Variants in LRRTM3 observed in about 807,000 individuals in gnomAD.
The protein encoded by LRRTM3 is leucine rich repeat transmembrane neuronal 3.
In LRRTM3, 24 loss-of-function variants were observed where a neutral mutation model predicts 44.7. That is an observed-to-expected ratio of 0.54 (90% CI 0.39 to 0.76). The LOEUF (loss-of-function observed/expected upper bound fraction) is 0.76, where lower values mean the gene tolerates loss of function less well. Among genes scored for constraint, LRRTM3 ranks in the 30% least tolerant of loss-of-function variants. The pLI is 0.00. For missense variants in LRRTM3, 587 were observed against 702.2 expected (o/e 0.84, Z 1.85); for synonymous variants, 277 against 278.7 (o/e 0.99, Z 0.06).
intron 2 of LRRTM3, among the ~76,000 whole-genome samples, chr10:67,045,593 C>T (rs1472150562): frequency 6.6e-6 from 1 of 152,140 alleles, no homozygotes; most frequent in Non-Finnish European, 1.5e-5. Flanking sequence ...CATTGCGTGA[C>T]GGGCAAGGGG....
chr10:66,926,345 A>G lies in LRRTM3; in HGVS notation c.-239A>G, dbSNP rs1049311356. 2.1e-5 allele frequency: 12 copies of G among 581,422 alleles called. No homozygotes were observed. In the African/African-American group the frequency reaches 2.1e-4, roughly 10 times the overall value. The allele number at this position is 581,422 out of a possible 1,614,324, so 36.0% of individuals were successfully genotyped here. A position where few individuals can be genotyped will look rare whatever the true frequency, so the allele number is the denominator to read the frequency against. On this transcript the variant is annotated 5_prime_UTR_variant, in exon 1 of 3. An upstream open reading frame in the 5' UTR loses its in-frame stop. Transcript: ENST00000361320. ...AATATCCATGAAGATCCTATTACCT[A>G]GGAAGATTTTGATGTTTTGCTGCGA...
chr10:66,974,688 T>A (rs1218203700), intron 2 of LRRTM3, among the ~76,000 whole-genome samples: 1 of 152,210 alleles, frequency 6.6e-6, no homozygotes, highest in Admixed American at 6.5e-5. Context: ...TGTGACTTTT[T>A]GTTTTTGTTT....
intron 2 of LRRTM3, among the ~76,000 whole-genome samples, chr10:67,032,568 A>G (rs1279359041): frequency 6.6e-6 from 1 of 152,184 alleles, no homozygotes; most frequent in Non-Finnish European, 1.5e-5. Context: ...TTTGCCTCAC[A>G]TACTGCCAGG....
At chr10:67,025,443 A>G (rs2133089160) in intron 2 of LRRTM3, among the ~76,000 whole-genome samples, 1 of 152,194 alleles carries the variant, frequency 6.6e-6, no homozygotes, top group Admixed American at 6.5e-5. Flanking sequence ...TCCTAAGTAC[A>G]ATGCTTGGGA....
intron 2 of LRRTM3, among the ~76,000 whole-genome samples, chr10:67,090,051 C>A (rs10997501): frequency 0.039 from 5,959 of 152,074 alleles, 395 homozygotes; most frequent in African/African-American, 0.14. Context: ...GAAAAGCTAA[C>A]ATATTTTAAC....
chr10:66,987,973 C>G (rs1399313934), intron 2 of LRRTM3, among the ~76,000 whole-genome samples: 5 of 151,858 alleles, frequency 3.3e-5, no homozygotes, highest in African/African-American at 1.2e-4. Context: ...TGTGGGTTAC[C>G]AAATTATAAG....
At position 66,929,398 on chromosome 10, in the gene LRRTM3, G is replaced by A. The variant is rs141136184; in HGVS notation, c.1536+946G>A. Among the ~76,000 whole-genome samples, 30 of 152,288 alleles carry A rather than the reference G, an allele frequency of 2.0e-4. No individual in the cohort carries two copies. The East Asian group carries it at 5.8e-3, about 29-fold the overall frequency. On this transcript the variant is annotated intron_variant, in intron 2 of 2. Coordinates refer to ENST00000361320, the MANE Select transcript of LRRTM3 (RefSeq NM_178011.5). ...TTCCAGTTTTTTCGAAGACCCTAAT[G>A]TAGTTAGTAGAATCCTTAGCTCTGT...
intron 2 of LRRTM3, among the ~76,000 whole-genome samples, chr10:67,042,325 C>A (rs1204933572): frequency 1.3e-5 from 2 of 152,038 alleles, no homozygotes; most frequent in African/African-American, 4.8e-5. Flanking sequence ...AGCTGACTAT[C>A]AGTTGGATGT....
chr10:67,077,011 C>T (rs957036538), intron 2 of LRRTM3, among the ~76,000 whole-genome samples: 2 of 152,188 alleles, frequency 1.3e-5, no homozygotes, highest in African/African-American at 2.4e-5. Context: ...TTTCAGGCAA[C>T]GCCCCCAACA....
Position 66,928,320 on chromosome 10 carries a change from C to G in LRRTM3, c.1404C>G (p.Ser468=). ...GGCACAGGAAAAAGAAAAGACAGTC[C>G]CTAAAGCAAATGACTCCCAGCACCC... ...MRRHRKKKRQ[S]LKQMTPSTQE... The change falls in exon 2 of 3, where the codon TCC becomes TCG. Residue 468 remains serine (S), a synonymous_variant. Transcript: ENST00000361320. 5 of 1,614,088 alleles carry G rather than the reference C, an allele frequency of 3.1e-6. No homozygotes were observed. Among genetic ancestry groups the G allele is most frequent in the Non-Finnish European group, 4.2e-6 (5 of 1,180,024 alleles).
chr10:66,930,161 T>C (rs2132634999), intron 2 of LRRTM3, among the ~76,000 whole-genome samples: 1 of 152,258 alleles, frequency 6.6e-6, no homozygotes, highest in African/African-American at 2.4e-5. Context: ...AATCATACTT[T>C]TATAAGCAAT....
chr10:66,989,320 A>G (rs1454996790), intron 2 of LRRTM3, among the ~76,000 whole-genome samples: 3 of 152,232 alleles, frequency 2.0e-5, no homozygotes, highest in Non-Finnish European at 4.4e-5. Context: ...ATGTCAACTT[A>G]TTCCCTAAAA....
chr10:66,968,904 C>T (rs1388351671), intron 2 of LRRTM3, among the ~76,000 whole-genome samples: 1 of 152,004 alleles, frequency 6.6e-6, no homozygotes, highest in African/African-American at 2.4e-5. Flanking sequence ...GTAATCCTAG[C>T]TGCTGGGGGC....
At chr10:66,989,676 A>G (rs928032510) in intron 2 of LRRTM3, among the ~76,000 whole-genome samples, 2 of 152,220 alleles carry the variant, frequency 1.3e-5, no homozygotes, top group African/African-American at 4.8e-5. Flanking sequence ...CAGTCTTTAC[A>G]TAATAAGACT....
intron 2 of LRRTM3, among the ~76,000 whole-genome samples, chr10:66,967,422 A>T (rs1447694178): frequency 1.3e-5 from 2 of 151,926 alleles, no homozygotes; most frequent in East Asian, 3.9e-4. Context: ...ATGCATATAT[A>T]TATACACATA....
chr10:67,068,045 G>C (rs191304470), intron 2 of LRRTM3, among the ~76,000 whole-genome samples: 3 of 152,292 alleles, frequency 2.0e-5, no homozygotes, highest in African/African-American at 7.2e-5. Context: ...CCTAGTAAGA[G>C]AAATAAATGC....
chr10:66,934,187 AAGAAAAAC>A (rs1847564614), intron 2 of LRRTM3, among the ~76,000 whole-genome samples: 1 of 152,154 alleles, frequency 6.6e-6, no homozygotes, highest in South Asian at 2.1e-4. Context: ...ATTGAAAAAA[AAGAAAAAC>A]AGCTTCTATC....
intron 2 of LRRTM3, among the ~76,000 whole-genome samples, chr10:67,022,414 T>C (rs988241871): frequency 2.0e-5 from 3 of 151,808 alleles, no homozygotes; most frequent in African/African-American, 4.8e-5. Flanking sequence ...AAAAGGAAAA[T>C]TGGGAAAACA....
chr10:66,931,485 T>C (rs1166915748), intron 2 of LRRTM3, among the ~76,000 whole-genome samples: 1 of 152,176 alleles, frequency 6.6e-6, no homozygotes, highest in Non-Finnish European at 1.5e-5. Flanking sequence ...ATTTTTTACT[T>C]GATTTGGTGA....
Sources: gnomAD v4.1 joint callset for allele counts (sites outside exome capture counted in the v4.1 genomes callset) on GRCh38, gnomAD v4.1.1 for gene constraint, MANE v1.5 for transcripts, NCBI Gene and HGNC (gene_info 2026-07-23, HGNC 2026-07-21) for gene names.